DLG2: variants seen among roughly 807,000 people sequenced by gnomAD.
The protein encoded by DLG2 is disks large homolog 2.
In DLG2, 45 loss-of-function variants were observed where a neutral mutation model predicts 132.5. The observed-to-expected ratio is 0.34, with a 90% CI of 0.27 to 0.44. The LOEUF (loss-of-function observed/expected upper bound fraction) is 0.44. Among genes scored for constraint, DLG2 ranks in the 20% least tolerant of loss-of-function variants. The probability of loss-of-function intolerance (pLI) is 1.00; values close to 1 mark genes in which losing one functional copy is unlikely to be tolerated. For missense variants in DLG2, 1,045 were observed against 1,196.9 expected, an observed-to-expected ratio of 0.87 and a Z score of 1.87; for synonymous variants, 424 against 419.6, an observed-to-expected ratio of 1.01 and a Z score of -0.13.
At chr11:84,847,911 A>G (rs1021923890) in intron 6 of DLG2, among the ~76,000 whole-genome samples, 7 of 152,126 alleles carry the variant, frequency 4.6e-5, no homozygotes, top group Non-Finnish European at 7.4e-5. Flanking sequence ...AAAGAATTAT[A>G]TAAGCTTAGA....
chr11:85,477,015 T>A (rs2093163211), intron 3 of DLG2, among the ~76,000 whole-genome samples: 1 of 152,124 alleles, frequency 6.6e-6, no homozygotes, highest in Non-Finnish European at 1.5e-5. Flanking sequence ...TACACCAGCA[T>A]CAATACAATG....
chr11:85,357,556 G>T (rs2083805018), intron 3 of DLG2, among the ~76,000 whole-genome samples: 1 of 140,182 alleles, frequency 7.1e-6, no homozygotes, highest in African/African-American at 2.7e-5. Context: ...CAAGTCTTCT[G>T]ATCTAGTTTG....
intron 6 of DLG2, among the ~76,000 whole-genome samples, chr11:84,927,296 G>T (rs1006092627): frequency 6.6e-6 from 1 of 151,920 alleles, no homozygotes; most frequent in African/African-American, 2.4e-5. Context: ...CTTATAGGTA[G>T]ATAGAGTAGT....
intron 6 of DLG2, among the ~76,000 whole-genome samples, chr11:84,882,144 G>A (rs976171660): frequency 2.0e-5 from 3 of 151,982 alleles, no homozygotes; most frequent in African/African-American, 7.2e-5. Flanking sequence ...GTCCTTAAAT[G>A]AGACAGTACA....
intron 3 of DLG2, among the ~76,000 whole-genome samples, chr11:85,571,464 T>C (rs1362485762): frequency 6.6e-6 from 1 of 152,166 alleles, no homozygotes; most frequent in Non-Finnish European, 1.5e-5. Flanking sequence ...GAAAAACTCT[T>C]GTGTATGCTA....
At chr11:85,486,686 C>G (rs532479822) in intron 3 of DLG2, among the ~76,000 whole-genome samples, 1 of 152,204 alleles carries the variant, frequency 6.6e-6, no homozygotes, top group African/African-American at 2.4e-5. Flanking sequence ...ACCACCAACA[C>G]CAGTATGGAT....
In DLG2 at chr11:84,537,068, CCCT is replaced by C. The variant is rs911869766; in HGVS notation, c.358-2340_358-2338del. ...TACAAGCTTTCTTACACTGCCATAA[CCCT>C]ACTACTATATATGCTGAACCCCCAT... On this transcript the variant is annotated intron_variant, in intron 6 of 27. Coordinates refer to ENST00000376104, the MANE Select transcript of DLG2 (RefSeq NM_001142699.3). Among the ~76,000 whole-genome samples, 9 of 25,746 alleles carry C rather than the reference CCCT, an allele frequency of 3.5e-4. No homozygotes were observed. In the African/African-American group the frequency reaches 3.8e-3, roughly 11 times the overall value. 16.9% of individuals were successfully genotyped at this position (25,746 alleles called of 152,430 possible). A position where few individuals can be genotyped will look rare whatever the true frequency, so the allele number is the denominator to read the frequency against.
chr11:84,644,339 C>T (rs1401012211), intron 6 of DLG2, among the ~76,000 whole-genome samples: 1 of 152,126 alleles, frequency 6.6e-6, no homozygotes, highest in Non-Finnish European at 1.5e-5. Context: ...TCTTATTTCG[C>T]CACCTGGTAA....
intron 6 of DLG2, among the ~76,000 whole-genome samples, chr11:84,827,676 CAAAAA>C (rs398016953): frequency 1.4e-4 from 5 of 35,102 alleles, no homozygotes; most frequent in African/African-American, 5.5e-4. Context: ...TACATACAGT[CAAAAA>C]AAAAAAAAAA....
intron 9 of DLG2, among the ~76,000 whole-genome samples, chr11:84,142,038 T>G (rs1288487051): frequency 6.6e-6 from 1 of 152,028 alleles, no homozygotes. Context: ...GCATGATGGC[T>G]CACCCCTGTA....
chr11:84,848,847 A>C (rs1024992895), intron 6 of DLG2, among the ~76,000 whole-genome samples: 3 of 152,186 alleles, frequency 2.0e-5, no homozygotes, highest in African/African-American at 7.2e-5. Flanking sequence ...GTACTTAATT[A>C]AGCCTAACTT....
chr11:85,509,739 A>T (rs1175421110), intron 3 of DLG2, among the ~76,000 whole-genome samples: 1 of 152,090 alleles, frequency 6.6e-6, no homozygotes, highest in East Asian at 1.9e-4. Flanking sequence ...TAGTGAACGA[A>T]AATACTGGGA....
intron 4 of DLG2, among the ~76,000 whole-genome samples, chr11:85,181,907 TA>T (rs1016996549): frequency 1.3e-5 from 2 of 151,764 alleles, no homozygotes; most frequent in Non-Finnish European, 2.9e-5. Context: ...CACTGTCAAT[TA>T]TTTATATTGT....
chr11:85,297,597 T>C (rs963123117), intron 3 of DLG2, among the ~76,000 whole-genome samples: 2 of 152,216 alleles, frequency 1.3e-5, no homozygotes, highest in African/African-American at 4.8e-5. Context: ...ATTTTCTTCT[T>C]TCTCTTTTCA....
At chr11:84,120,773 G>A (rs562383779) in intron 9 of DLG2, among the ~76,000 whole-genome samples, 1 of 152,294 alleles carries the variant, frequency 6.6e-6, no homozygotes, top group East Asian at 1.9e-4. Context: ...GTAAGAAAGA[G>A]GCTAACATAG....
chr11:85,489,369 T>C (rs780048504), intron 3 of DLG2, among the ~76,000 whole-genome samples: 1 of 152,196 alleles, frequency 6.6e-6, no homozygotes, highest in Non-Finnish European at 1.5e-5. Context: ...ATAATCATTC[T>C]AAATATATAT....
chr11:84,533,829 T>C (rs977160527), intron 7 of DLG2, among the ~76,000 whole-genome samples: 1 of 150,484 alleles, frequency 6.6e-6, no homozygotes, highest in African/African-American at 2.4e-5. Flanking sequence ...CATATTCTGA[T>C]TTTTTCTTTT....
At chr11:83,542,472 T>C (rs905983492) in intron 19 of DLG2, among the ~76,000 whole-genome samples, 1 of 152,164 alleles carries the variant, frequency 6.6e-6, no homozygotes, top group African/African-American at 2.4e-5. Flanking sequence ...AAAAAATCTA[T>C]GCGTATGTGT....
chr11:85,114,300 T>G (rs971761577), intron 5 of DLG2, among the ~76,000 whole-genome samples: 5 of 151,874 alleles, frequency 3.3e-5, no homozygotes, highest in African/African-American at 1.2e-4. Flanking sequence ...GAATAAACAC[T>G]AGGGGAAAGG....
Sources: gnomAD v4.1 joint callset for allele counts (sites outside exome capture counted in the v4.1 genomes callset) on GRCh38, gnomAD v4.1.1 for gene constraint, MANE v1.5 for transcripts, NCBI Gene and HGNC (gene_info 2026-07-23, HGNC 2026-07-21) for gene names.